Variants in UBE4B observed in about 807,000 individuals in gnomAD.
UBE4B encodes the protein ubiquitination factor E4B, also known as ubiquitin conjugation factor E4 B.
A neutral mutation model predicts 148.1 loss-of-function variants in UBE4B; 27 were observed. The ratio of observed to expected loss-of-function variants is 0.18; its 90% CI spans 0.13 to 0.25. The LOEUF (loss-of-function observed/expected upper bound fraction) is 0.25, where lower values mean the gene tolerates loss of function less well. UBE4B is among the 10% of genes least tolerant of loss of function. The pLI is 1.00. For synonymous variants in UBE4B, 596 were observed against 619.3 expected, an observed-to-expected ratio of 0.96 and a Z score of 0.56; for missense variants, 1,170 against 1,662.4, an observed-to-expected ratio of 0.70 and a Z score of 5.15.
chr1:10,055,578 A>G lies in UBE4B; in HGVS notation c.25-16450A>G, dbSNP rs556747517. On this transcript the variant is annotated intron_variant, in intron 1 of 27. Transcript: ENST00000343090. ...AGCCTTCCTCCACCACACCCAGCCAACATGGGGCAAAAGTTACCAGAATCA... is the reference window on the plus strand; with the variant it reads ...AGCCTTCCTCCACCACACCCAGCCAGCATGGGGCAAAAGTTACCAGAATCA... Among the ~76,000 whole-genome samples, 3 of 152,266 alleles carry G rather than the reference A, an allele frequency of 2.0e-5. No homozygotes were observed. The South Asian group carries it at 6.2e-4, about 32-fold the overall frequency.
In UBE4B at chr1:10,119,513, A is replaced by G. The variant is rs1448847933; in HGVS notation, c.1339A>G (p.Met447Val). 6.2e-7 allele frequency: 1 copy of G among 1,613,348 alleles called. No individual in the cohort carries two copies. Among genetic ancestry groups the G allele is most frequent in the East Asian group, 2.2e-5 (1 of 44,866 alleles). The change falls in exon 9 of 28, where the codon ATG becomes GTG. Residue 447 changes from methionine (M) to valine (V), a missense_variant and splice_region_variant. Around this residue, in one of 6 missense-constraint regions of UBE4B, gnomAD observed 388 missense variants for 536.0 expected, o/e 0.72. Transcript: ENST00000343090. ...CCTCACTTCCACCTTTCCTTTTCAG[A>G]TGTGCAGCCAGCCAGCAGTCAGCCA... ...VGIEEKKAPK[M>V]CSQPAVSQLL...
intron 1 of UBE4B, among the ~76,000 whole-genome samples, chr1:10,070,998 C>G (rs1338458478): frequency 6.6e-6 from 1 of 152,076 alleles, no homozygotes; most frequent in Non-Finnish European, 1.5e-5. Flanking sequence ...TGCAATTGCC[C>G]TCCACCTCCC....
intron 3 of UBE4B, among the ~76,000 whole-genome samples, chr1:10,100,675 C>T (rs542137495): frequency 7.2e-4 from 110 of 152,330 alleles, no homozygotes; most frequent in African/African-American, 2.3e-3. Context: ...CTGCATCAGC[C>T]TGCCGAGTAG....
intron 2 of UBE4B, among the ~76,000 whole-genome samples, chr1:10,092,091 G>A (rs1256687298): frequency 6.6e-6 from 1 of 152,024 alleles, no homozygotes; most frequent in Admixed American, 6.6e-5. Context: ...GGTTATGGTG[G>A]CATATGTTCT....
At position 10,106,256 on chromosome 1, in the gene UBE4B, G is replaced by A. The variant is rs199915638; in HGVS notation, c.869G>A (p.Gly290Asp). 1.2e-6 allele frequency: 2 copies of A among 1,613,904 alleles called. No homozygotes were observed. Among genetic ancestry groups the A allele is most frequent in the Non-Finnish European group, 1.7e-6 (2 of 1,179,884 alleles). ...PSFWSSVPVM[G>D]PSLASPSRAA... ...TTCTGGAGCTCTGTTCCCGTGATGG[G>A]CCCGTCTCTTGCCTCACCTTCCCGT... The change falls in exon 7 of 28, where the codon GGC (glycine) becomes GAC (aspartate). Residue 290 changes from glycine (G) to aspartate (D), a missense_variant. Around this residue, in one of 6 missense-constraint regions of UBE4B, gnomAD observed 214 missense variants for 209.1 expected, o/e 1.02. Transcript: ENST00000343090. This position sits in a 1 kb window ranked among gnomAD's most constrained non-coding sequence, Gnocchi z 4.2.
chr1:10,060,983 T>C (rs1418259596), intron 1 of UBE4B, among the ~76,000 whole-genome samples: 3 of 152,138 alleles, frequency 2.0e-5, no homozygotes, highest in Non-Finnish European at 4.4e-5. Flanking sequence ...TGGCCTCAAA[T>C]GATCCTCCCA....
chr1:10,073,920 ATTTTTTTT>A (rs947131085), intron 2 of UBE4B, among the ~76,000 whole-genome samples: 2 of 74,852 alleles, frequency 2.7e-5, no homozygotes, highest in African/African-American at 5.6e-5. Flanking sequence ...CTTTCTTTCT[ATTTTTTTT>A]TTTTTTTTTT....
At chr1:10,063,950 C>T (rs959674704) in intron 1 of UBE4B, among the ~76,000 whole-genome samples, 4 of 151,570 alleles carry the variant, frequency 2.6e-5, no homozygotes, top group African/African-American at 7.3e-5. Context: ...CCTGGTTATT[C>T]CCCTGCTTAA....
At chr1:10,125,450 G>C (rs935633923) in intron 10 of UBE4B, among the ~76,000 whole-genome samples, 1 of 152,186 alleles carries the variant, frequency 6.6e-6, no homozygotes, top group African/African-American at 2.4e-5. Context: ...ATCTCTTCCA[G>C]AGCTGTATTG....
At position 10,137,440 on chromosome 1, in the gene UBE4B, T is replaced by C. The variant is rs1314708798; in HGVS notation, c.2363+235T>C. Among the ~76,000 whole-genome samples the C allele has an allele frequency of 2.0e-5, 3 of 152,144 alleles. No individual in the cohort carries two copies. In the East Asian group the frequency reaches 5.8e-4, roughly 29 times the overall value. The stretch of plus-strand genomic sequence containing the variant: ...TCTGAACCCTGGATATTTCACTCTG[T>C]TTATGGTTACTACAGACTTCCATTA... On this transcript the variant is annotated intron_variant, in intron 17 of 27. Coordinates refer to ENST00000343090, the MANE Select transcript of UBE4B (RefSeq NM_001105562.3).
intron 10 of UBE4B, among the ~76,000 whole-genome samples, chr1:10,124,745 C>T (rs1645464825): frequency 6.6e-6 from 1 of 152,068 alleles, no homozygotes; most frequent in Non-Finnish European, 1.5e-5. Flanking sequence ...TAAATAGCAG[C>T]TAGAATTTAG....
At chr1:10,134,615 T>C (rs967400203) in intron 15 of UBE4B, among the ~76,000 whole-genome samples, 1 of 152,206 alleles carries the variant, frequency 6.6e-6, no homozygotes, top group Non-Finnish European at 1.5e-5. Context: ...TAATATAGAA[T>C]TAATGGAATG....
At chr1:10,117,711 A>G in intron 8 of UBE4B, 111 bp downstream of exon 8, 7 of 1,323,632 alleles carry the variant, frequency 5.3e-6, no homozygotes, top group Non-Finnish European at 7.0e-6. Context: ...ATTATTGAGC[A>G]TTTGCCATGT....
intron 17 of UBE4B, 35 bp downstream of exon 17, chr1:10,137,240 G>T: frequency 6.2e-7 from 1 of 1,612,110 alleles, no homozygotes. Flanking sequence ...GGGATTGCCT[G>T]AGTTACCACT....
At chr1:10,039,853 A>G (rs1410573568) in intron 1 of UBE4B, among the ~76,000 whole-genome samples, 1 of 152,136 alleles carries the variant, frequency 6.6e-6, no homozygotes, top group Non-Finnish European at 1.5e-5. Context: ...TGCAAGACAT[A>G]TTAGGAGGCT....
intron 15 of UBE4B, 86 bp downstream of exon 15, chr1:10,132,568 T>G: frequency 8.8e-7 from 1 of 1,139,926 alleles, no homozygotes; most frequent in Middle Eastern, 1.9e-4. Flanking sequence ...GGCACTGTTC[T>G]AGGAGTGGGG....
At chr1:10,118,288 G>T (rs72861457) in intron 8 of UBE4B, among the ~76,000 whole-genome samples, 1 of 152,020 alleles carries the variant, frequency 6.6e-6, no homozygotes, top group Non-Finnish European at 1.5e-5. Flanking sequence ...GGGCTTTGTT[G>T]TACTTAGCCT....
chr1:10,113,291 G>C (rs961472654), intron 7 of UBE4B, among the ~76,000 whole-genome samples: 2 of 152,196 alleles, frequency 1.3e-5, no homozygotes, highest in African/African-American at 4.8e-5. Context: ...TCACCAGGGG[G>C]ATGTTGCTAA....
intron 3 of UBE4B, among the ~76,000 whole-genome samples, chr1:10,096,046 C>T (rs1335337391): frequency 6.6e-6 from 1 of 152,158 alleles, no homozygotes; most frequent in Non-Finnish European, 1.5e-5. Context: ...ACTGGGATTA[C>T]AGGTATGAGC....
Sources: allele counts gnomAD v4.1 joint callset (sites outside exome capture counted in the v4.1 genomes callset), GRCh38; gene constraint gnomAD v4.1.1; regional missense constraint gnomAD v4.1.1; non-coding constraint Gnocchi (gnomAD v3.1); transcripts MANE v1.5; gene names NCBI Gene and HGNC (gene_info 2026-07-23, HGNC 2026-07-21).